The following EPHA7 variants were observed in gnomAD, a reference collection of about 807,000 sequenced individuals.
EPHA7 encodes the protein ephrin type-A receptor 7.
In EPHA7, 25 loss-of-function variants were observed where a neutral mutation model predicts 112.6. That is an observed-to-expected ratio of 0.22 (90% CI 0.16 to 0.31). EPHA7 has a LOEUF of 0.31. Among genes scored for constraint, EPHA7 ranks in the 10% least tolerant of loss-of-function variants. The pLI, the probability that EPHA7 is intolerant of heterozygous loss-of-function variation, is 1.00. For missense variants in EPHA7, 962 were observed against 1,212.6 expected, an observed-to-expected ratio of 0.79 and a Z score of 3.07; for synonymous variants, 437 against 406.5, an observed-to-expected ratio of 1.07 and a Z score of -0.90.
intron 3 of EPHA7, among the ~76,000 whole-genome samples, chr6:93,395,672 G>A (rs532352010): frequency 6.6e-6 from 1 of 151,398 alleles, no homozygotes; most frequent in East Asian, 2.0e-4. Flanking sequence ...ATGACACATA[G>A]GGCTTCATTT....
At chr6:93,297,837 T>C (rs1772752935) in intron 5 of EPHA7, among the ~76,000 whole-genome samples, 1 of 152,176 alleles carries the variant, frequency 6.6e-6, no homozygotes, top group South Asian at 2.1e-4. Context: ...CACTGAAGTT[T>C]CTACTTCAGC....
chr6:93,294,592 C>A (rs1028430584), intron 5 of EPHA7, among the ~76,000 whole-genome samples: 2 of 152,020 alleles, frequency 1.3e-5, no homozygotes, highest in East Asian at 1.9e-4. Context: ...ACAAATAGAA[C>A]AATGTCATAA....
At chr6:93,395,945 T>C (rs1258573976) in intron 3 of EPHA7, among the ~76,000 whole-genome samples, 1 of 151,864 alleles carries the variant, frequency 6.6e-6, no homozygotes, top group Non-Finnish European at 1.5e-5. Flanking sequence ...GGTCCAGACG[T>C]TTTCATCGAT....
chr6:93,325,677 T>C (rs1774284250), intron 5 of EPHA7, among the ~76,000 whole-genome samples: 1 of 151,276 alleles, frequency 6.6e-6, no homozygotes, highest in Non-Finnish European at 1.5e-5. Flanking sequence ...TGAAAACAGG[T>C]GTACATTTAA....
intron 3 of EPHA7, among the ~76,000 whole-genome samples, chr6:93,399,941 A>G (rs1179571664): frequency 6.6e-6 from 1 of 152,124 alleles, no homozygotes; most frequent in Non-Finnish European, 1.5e-5. Flanking sequence ...GGCACACTCA[A>G]ACTTGAAGAA....
At chr6:93,259,167 C>A (rs1219307696) in intron 10 of EPHA7, among the ~76,000 whole-genome samples, 187 bp downstream of exon 10, 3 of 151,950 alleles carry the variant, frequency 2.0e-5, no homozygotes, top group African/African-American at 7.2e-5. Flanking sequence ...ATTCTTTGTG[C>A]CACATGCTAG....
intron 2 of EPHA7, among the ~76,000 whole-genome samples, chr6:93,414,109 T>C (rs1465154606): frequency 2.0e-5 from 3 of 151,910 alleles, no homozygotes; most frequent in African/African-American, 7.2e-5. Flanking sequence ...CTCATATCTA[T>C]TGCAGATTTT....
At position 93,314,964 on chromosome 6, in the gene EPHA7, G is replaced by A. The variant is rs910651056; in HGVS notation, c.1324+41753C>T. 3.0e-4 allele frequency among the ~76,000 whole-genome samples: 42 copies of A among 141,124 alleles called. 1 individual carries two copies. Among genetic ancestry groups the A allele is most frequent in the South Asian group, 6.8e-4 (3 of 4,416 alleles). 92.6% of individuals were successfully genotyped at this position (141,124 alleles called of 152,430 possible). A position where few individuals can be genotyped will look rare whatever the true frequency, so the allele number is the denominator to read the frequency against. ...TGCAAGCTCCGCCTCCCGGGTTCAC[G>A]CCATTCTCCTGCCTCAGCCTCCCGA... On this transcript the variant is annotated intron_variant, in intron 5 of 16. Coordinates refer to ENST00000369303, the MANE Select transcript of EPHA7 (RefSeq NM_004440.4).
At chr6:93,249,182 C>T (rs656435) in intron 14 of EPHA7, among the ~76,000 whole-genome samples, 98,369 of 151,970 alleles carry the variant, frequency 0.65, 32,891 homozygotes, top group South Asian at 0.83. Context: ...TCACTGTAAA[C>T]ATTCCTCTAA....
At chr6:93,291,046 C>T (rs1772333413) in intron 5 of EPHA7, among the ~76,000 whole-genome samples, 1 of 152,100 alleles carries the variant, frequency 6.6e-6, no homozygotes, top group Non-Finnish European at 1.5e-5. Flanking sequence ...ACCAAGAAAT[C>T]CGAATTTTTC....
chr6:93,351,814 T>C (rs1415389629), intron 5 of EPHA7, among the ~76,000 whole-genome samples: 2 of 152,072 alleles, frequency 1.3e-5, no homozygotes, highest in African/African-American at 4.8e-5. Flanking sequence ...ATATTTTAAT[T>C]ACTGCTCTTA....
At chr6:93,306,532 C>A (rs890235901) in intron 5 of EPHA7, among the ~76,000 whole-genome samples, 1 of 151,830 alleles carries the variant, frequency 6.6e-6, no homozygotes, top group Non-Finnish European at 1.5e-5. Context: ...AAAACAAAGA[C>A]CTAAATAAAG....
intron 3 of EPHA7, among the ~76,000 whole-genome samples, chr6:93,390,797 T>C (rs1390705624): frequency 6.6e-6 from 1 of 151,940 alleles, no homozygotes; most frequent in Non-Finnish European, 1.5e-5. Flanking sequence ...GTTTTAAGTA[T>C]TTTTGGCAAC....
intron 5 of EPHA7, among the ~76,000 whole-genome samples, chr6:93,280,867 G>A (rs1462419325): frequency 2.0e-5 from 3 of 152,012 alleles, no homozygotes; most frequent in African/African-American, 4.8e-5. Flanking sequence ...TAAAATTACT[G>A]ATACCTGGGA....
In EPHA7 at chr6:93,240,871, A is replaced by G. The variant is rs1199774728; in HGVS notation, c.*2555T>C. 1.4e-5 allele frequency: 3 copies of G among 207,358 alleles called. No individual in the cohort carries two copies. Among genetic ancestry groups the G allele is most frequent in the Non-Finnish European group, 3.0e-5 (3 of 101,582 alleles). The allele number at this position is 207,358 out of a possible 1,614,324, so 12.8% of individuals were successfully genotyped here. On this transcript the variant is annotated 3_prime_UTR_variant, in exon 17 of 17. Transcript: ENST00000369303. ...TTCTTTTTCTCTTAATATTTGTTTC[A>G]CATACATGTATTTCGAAATCATAAT...
intron 3 of EPHA7, among the ~76,000 whole-genome samples, chr6:93,400,091 A>G (rs1778366887): frequency 6.6e-6 from 1 of 152,022 alleles, no homozygotes; most frequent in African/African-American, 2.4e-5. Context: ...TTCGAGGATA[A>G]AAGTACTTTA....
intron 3 of EPHA7, among the ~76,000 whole-genome samples, chr6:93,388,473 T>C (rs1043112153): frequency 5.9e-5 from 9 of 152,158 alleles, no homozygotes; most frequent in African/African-American, 2.2e-4. Flanking sequence ...TTCATTTATA[T>C]GTGTAATCAT....
intron 5 of EPHA7, among the ~76,000 whole-genome samples, chr6:93,341,917 A>G (rs1398277897): frequency 7.3e-6 from 1 of 137,776 alleles, no homozygotes; most frequent in Non-Finnish European, 1.6e-5. Flanking sequence ...TATCTAAGAG[A>G]AAAAATTCAT....
At chr6:93,309,114 A>C (rs1773404480) in intron 5 of EPHA7, among the ~76,000 whole-genome samples, 1 of 151,832 alleles carries the variant, frequency 6.6e-6, no homozygotes, top group Non-Finnish European at 1.5e-5. Context: ...ATGCCCAGCT[A>C]TTTGTTTTGT....
Sources: gnomAD v4.1 joint callset for allele counts (sites outside exome capture counted in the v4.1 genomes callset) on GRCh38, gnomAD v4.1.1 for gene constraint, MANE v1.5 for transcripts, NCBI Gene and HGNC (gene_info 2026-07-23, HGNC 2026-07-21) for gene names.